MACROD2: variants seen among roughly 807,000 people sequenced by gnomAD.
The protein encoded by MACROD2 is mono-ADP ribosylhydrolase 2, also known as ADP-ribose glycohydrolase MACROD2.
In MACROD2, 36 loss-of-function variants were observed where a neutral mutation model predicts 70.4. The ratio of observed to expected loss-of-function variants is 0.51; its 90% CI spans 0.39 to 0.68. MACROD2 has a LOEUF of 0.68. Ranked by LOEUF, MACROD2 falls within the 30% of genes least tolerant of loss-of-function variation. MACROD2 has a pLI of 0.00. For synonymous variants in MACROD2, 172 were observed against 178.8 expected, an observed-to-expected ratio of 0.96 and a Z score of 0.30; for missense variants, 496 against 538.4, an observed-to-expected ratio of 0.92 and a Z score of 0.78.
chr20:14,905,728 T>C (rs1452945924), intron 5 of MACROD2: 2 of 152,096 alleles, frequency 1.3e-5, no homozygotes, highest in Admixed American at 6.6e-5. Context: ...TGTTGTCATA[T>C]CCTTTAGACT....
chr20:15,365,954 A>G (rs1344096753), intron 6 of MACROD2, among the ~76,000 whole-genome samples: 1 of 152,254 alleles, frequency 6.6e-6, no homozygotes, highest in Non-Finnish European at 1.5e-5. Context: ...GTCAGATTCC[A>G]GAGTGATTGT....
chr20:15,064,911 G>A (rs1034140850), intron 5 of MACROD2, among the ~76,000 whole-genome samples: 1 of 152,166 alleles, frequency 6.6e-6, no homozygotes, highest in Non-Finnish European at 1.5e-5. Context: ...GCAAGTGTGA[G>A]CACAGATCTT....
intron 5 of MACROD2, among the ~76,000 whole-genome samples, chr20:14,769,927 G>A (rs1020787246): frequency 3.3e-5 from 5 of 151,950 alleles, no homozygotes; most frequent in African/African-American, 1.2e-4. Context: ...TGAGTTACCC[G>A]AGGAAATGTT....
chr20:15,804,419 A>G (rs2063751720), intron 8 of MACROD2, among the ~76,000 whole-genome samples: 1 of 152,230 alleles, frequency 6.6e-6, no homozygotes, highest in African/African-American at 2.4e-5. Context: ...CTATAAATCA[A>G]TGACCTTTCT....
intron 3 of MACROD2, among the ~76,000 whole-genome samples, chr20:14,312,454 T>G (rs921590443): frequency 2.0e-5 from 3 of 152,220 alleles, no homozygotes; most frequent in Non-Finnish European, 4.4e-5. Flanking sequence ...TCTATGAGAC[T>G]TCAGTTGAGG....
chr20:16,007,870 T>C (rs1193692558), intron 15 of MACROD2, among the ~76,000 whole-genome samples: 1 of 152,136 alleles, frequency 6.6e-6, no homozygotes, highest in East Asian at 1.9e-4. Flanking sequence ...TACCCAACTT[T>C]ATATAAGTTG....
At chr20:14,822,289 G>C (rs1193638664) in intron 5 of MACROD2, among the ~76,000 whole-genome samples, 1 of 152,066 alleles carries the variant, frequency 6.6e-6, no homozygotes, top group Admixed American at 6.6e-5. Flanking sequence ...AAACCCATAA[G>C]ATATTGTTCC....
chr20:15,957,163 G>A (rs893842825), intron 12 of MACROD2, among the ~76,000 whole-genome samples: 1 of 152,108 alleles, frequency 6.6e-6, no homozygotes, highest in African/African-American at 2.4e-5. Context: ...AGGATAATGG[G>A]TAGAAAGGAG....
At chr20:14,986,259 T>C (rs185468253) in intron 5 of MACROD2, among the ~76,000 whole-genome samples, 2 of 152,288 alleles carry the variant, frequency 1.3e-5, no homozygotes, top group East Asian at 3.9e-4. Context: ...TGCAATGTTA[T>C]CTGAAAATGA....
intron 8 of MACROD2, among the ~76,000 whole-genome samples, chr20:15,732,457 T>G (rs182191525): frequency 1.3e-4 from 20 of 152,340 alleles, no homozygotes; most frequent in African/African-American, 4.6e-4. Context: ...GGTCCGATGT[T>G]CCCTTCTATT....
chr20:14,816,329 A>T (rs2072773349), intron 5 of MACROD2, among the ~76,000 whole-genome samples: 1 of 152,204 alleles, frequency 6.6e-6, no homozygotes, highest in South Asian at 2.1e-4. Context: ...ACTTTATAAT[A>T]GCAAAAATGT....
intron 3 of MACROD2, among the ~76,000 whole-genome samples, chr20:14,231,814 T>G (rs1164352895): frequency 6.6e-6 from 1 of 152,210 alleles, no homozygotes; most frequent in Non-Finnish European, 1.5e-5. Context: ...GTTTCCTGAC[T>G]TTTTAATGAT....
intron 8 of MACROD2, among the ~76,000 whole-genome samples, chr20:15,505,778 G>A (rs1056340210): frequency 2.6e-5 from 4 of 152,138 alleles, no homozygotes; most frequent in African/African-American, 9.7e-5. Context: ...CCCCAGCTCT[G>A]CATTTTCAAA....
intron 3 of MACROD2, among the ~76,000 whole-genome samples, chr20:14,291,097 G>A (rs1056096129): frequency 2.0e-5 from 3 of 152,138 alleles, no homozygotes; most frequent in Admixed American, 6.5e-5. Flanking sequence ...GTACCAAAAA[G>A]GAAAACAAGA....
intron 5 of MACROD2, among the ~76,000 whole-genome samples, chr20:15,111,770 A>C (rs914180836): frequency 1.2e-4 from 19 of 152,232 alleles, no homozygotes; most frequent in Admixed American, 5.2e-4. Flanking sequence ...CTTTCAGTGA[A>C]CTTAGGCAAG....
At chr20:15,785,351 T>A (rs1387092119) in intron 8 of MACROD2, among the ~76,000 whole-genome samples, 3 of 152,044 alleles carry the variant, frequency 2.0e-5, no homozygotes, top group Non-Finnish European at 4.4e-5. Context: ...GATGGATTCA[T>A]GGGAACTGAG....
At chr20:15,753,054 G>A (rs1183126144) in intron 8 of MACROD2, among the ~76,000 whole-genome samples, 1 of 151,936 alleles carries the variant, frequency 6.6e-6, no homozygotes, top group East Asian at 1.9e-4. Context: ...AAATGCAGTT[G>A]ACCATGTGTA....
chr20:15,616,182 C>T (rs561104794), intron 8 of MACROD2, among the ~76,000 whole-genome samples: 6 of 149,132 alleles, frequency 4.0e-5, no homozygotes, highest in African/African-American at 9.9e-5. Flanking sequence ...CGGCCCACTG[C>T]GCCCTCTGTC....
intron 12 of MACROD2, among the ~76,000 whole-genome samples, chr20:15,966,587 A>G (rs775809594): frequency 1.4e-4 from 22 of 152,250 alleles, no homozygotes; most frequent in South Asian, 4.1e-4. Context: ...ACAAAAAATT[A>G]GAAAACTAAG....
Sources: allele counts gnomAD v4.1 joint callset (sites outside exome capture counted in the v4.1 genomes callset), GRCh38; gene constraint gnomAD v4.1.1; transcripts MANE v1.5; gene names NCBI Gene and HGNC (gene_info 2026-07-23, HGNC 2026-07-21).